The following WWP2 variants were observed in gnomAD, a reference collection of about 807,000 sequenced individuals.
The protein encoded by WWP2 is NEDD4-like E3 ubiquitin-protein ligase WWP2.
WWP2 carries 57 observed loss-of-function variants against 121.0 expected under a neutral mutation model. That is an observed-to-expected ratio of 0.47 (90% CI 0.38 to 0.59). WWP2 has a LOEUF of 0.59. WWP2 is among the 20% of genes least tolerant of loss of function. The probability of loss-of-function intolerance (pLI) is 0.00; values close to 1 mark genes in which losing one functional copy is unlikely to be tolerated. For synonymous variants in WWP2, 449 were observed against 441.3 expected (o/e 1.02, Z -0.22); for missense variants, 962 against 1,158.9 (o/e 0.83, Z 2.47).
At chr16:69,791,777 C>G (rs1597672287) in intron 2 of WWP2, among the ~76,000 whole-genome samples, 1 of 152,128 alleles carries the variant, frequency 6.6e-6, no homozygotes. Flanking sequence ...ACCTTGGCCT[C>G]TTAAAGTGCT....
chr16:69,806,731 G>GT (rs1379398554), intron 4 of WWP2, among the ~76,000 whole-genome samples: 16 of 152,048 alleles, frequency 1.1e-4, no homozygotes, highest in African/African-American at 3.6e-4. Flanking sequence ...AAAAACGTCT[G>GT]TAATATTTTT....
chr16:69,882,088 G>A (rs148289173), intron 7 of WWP2, among the ~76,000 whole-genome samples: 131 of 152,138 alleles, frequency 8.6e-4, no homozygotes, highest in Admixed American at 2.9e-3. Context: ...CGAAAGTACT[G>A]GGATTACAGG....
rs534510994 is a variant in WWP2 at position 69,939,306 on chromosome 16, C to T, written c.2441-35C>T. ...GATCCTGCTTTGGGAAGGGACGTCT[C>T]TGCTGACGTCGGCGTGTTTTACCTT... is the stretch of plus-strand genomic sequence containing the variant. On this transcript the variant is annotated intron_variant, in intron 22 of 23. Coordinates refer to ENST00000359154, the MANE Select transcript of WWP2 (RefSeq NM_001270454.2). 2.8e-4 allele frequency: 457 copies of T among 1,612,792 alleles called. 1 individual carries two copies. In the South Asian group the frequency reaches 4.7e-3, roughly 16 times the overall value.
At chr16:69,770,645 G>A (rs1051337558) in intron 1 of WWP2, among the ~76,000 whole-genome samples, 2 of 152,144 alleles carry the variant, frequency 1.3e-5, no homozygotes, top group African/African-American at 4.8e-5. Context: ...TCAGAAGCAC[G>A]GGTAAAACAA....
chr16:69,768,571 C>T (rs1482940205), intron 1 of WWP2, among the ~76,000 whole-genome samples: 2 of 152,168 alleles, frequency 1.3e-5, no homozygotes, highest in Admixed American at 6.5e-5. Flanking sequence ...GATTGCATCA[C>T]TGCCCTCTAG....
intron 4 of WWP2, among the ~76,000 whole-genome samples, chr16:69,823,506 C>G (rs2056629815): frequency 6.8e-6 from 1 of 147,564 alleles, no homozygotes; most frequent in Non-Finnish European, 1.5e-5. Flanking sequence ...GCCTTGCTTT[C>G]TTGCCCAGGC....
intron 6 of WWP2, among the ~76,000 whole-genome samples, chr16:69,858,150 T>C (rs2057352528): frequency 6.6e-6 from 1 of 152,150 alleles, no homozygotes; most frequent in African/African-American, 2.4e-5. Context: ...AATAAAGTTA[T>C]ACATTTTTCT....
At chr16:69,828,845 C>G (rs1464141191) in intron 4 of WWP2, among the ~76,000 whole-genome samples, 1 of 152,102 alleles carries the variant, frequency 6.6e-6, no homozygotes, top group African/African-American at 2.4e-5. Flanking sequence ...TCACCTTCCT[C>G]TCTATGCAAA....
chr16:69,898,113 C>T (rs1418067855), intron 8 of WWP2, among the ~76,000 whole-genome samples: 15 of 150,332 alleles, frequency 1.0e-4, no homozygotes, highest in Admixed American at 2.6e-4. Context: ...CTGCAACCTC[C>T]GCCTCCTGAG....
intron 6 of WWP2, among the ~76,000 whole-genome samples, chr16:69,844,857 T>A (rs1357758216): frequency 6.6e-6 from 1 of 152,252 alleles, no homozygotes; most frequent in Non-Finnish European, 1.5e-5. Context: ...CTATTCATTC[T>A]GCACTCACAT....
At chr16:69,830,455 A>G (rs562279083) in intron 4 of WWP2, among the ~76,000 whole-genome samples, 48 of 152,342 alleles carry the variant, frequency 3.2e-4, no homozygotes, top group South Asian at 1.4e-3. Flanking sequence ...CTTTGTAAAA[A>G]TGAGGCTATT....
At chr16:69,865,534 G>A (rs916841826) in intron 6 of WWP2, among the ~76,000 whole-genome samples, 1 of 152,186 alleles carries the variant, frequency 6.6e-6, no homozygotes, top group Non-Finnish European at 1.5e-5. Flanking sequence ...TAACCTGCAG[G>A]CAGGAAGTGG....
intron 9 of WWP2, 131 bp from the exon 10 acceptor site, chr16:69,917,578 A>G: frequency 3.9e-6 from 4 of 1,021,116 alleles, no homozygotes; most frequent in Non-Finnish European, 5.6e-6. Context: ...GATGTCTGCT[A>G]TAATCAGCTA....
chr16:69,800,129 T>G (rs1350048982), intron 4 of WWP2, among the ~76,000 whole-genome samples: 5 of 152,124 alleles, frequency 3.3e-5, no homozygotes, highest in Non-Finnish European at 7.4e-5. Context: ...AAGCCTGTCC[T>G]TTTAAGCGAT....
In WWP2 at chr16:69,937,379, C is replaced by T. The variant is rs2151999892; in HGVS notation, c.2238+141C>T. 2 of 1,438,794 alleles carry T rather than the reference C, an allele frequency of 1.4e-6. No homozygotes were observed. The highest frequency in any genetic ancestry group is 4.8e-5 in the East Asian group (2 of 41,772). 89.1% of individuals were successfully genotyped at this position (1,438,794 alleles called of 1,614,324 possible). On this transcript the variant is annotated intron_variant, in intron 20 of 23. Transcript: ENST00000359154. This position sits in a 1 kb window ranked among gnomAD's most constrained non-coding sequence, Gnocchi z 6.6. ...CAGATGGGTTTGATTTGGGACCCAC[C>T]CTTCCCCAGACACTTGTTTCAAGAA...
intron 2 of WWP2, among the ~76,000 whole-genome samples, chr16:69,793,899 T>C (rs1340503001): frequency 6.6e-6 from 1 of 150,914 alleles, no homozygotes; most frequent in Admixed American, 6.7e-5. Context: ...GGAAGGGCTG[T>C]TATTATCCTT....
chr16:69,858,417 C>G (rs1369414339), intron 6 of WWP2, among the ~76,000 whole-genome samples: 1 of 152,130 alleles, frequency 6.6e-6, no homozygotes, highest in African/African-American at 2.4e-5. Context: ...GCTCTTCATT[C>G]GCCAAAACTT....
intron 5 of WWP2, 55 bp downstream of exon 5, chr16:69,840,318 G>A (rs2056954765): frequency 1.9e-6 from 3 of 1,605,380 alleles, no homozygotes; most frequent in Admixed American, 3.3e-5. Flanking sequence ...GGCTGGGCGG[G>A]GGCCAGGAGG....
rs1178820209 is a variant in WWP2 at position 69,936,006 on chromosome 16, G to A, written c.1976+20G>A. The stretch of plus-strand genomic sequence containing the variant: ...GATCAAGTGAGTTCCCTGCCCCCTT[G>A]CCCCACCGCGCTGATAGGAGGGACG... On this transcript the variant is annotated intron_variant, in intron 18 of 23. Transcript: ENST00000359154. 3.1e-6 allele frequency: 5 copies of A among 1,611,058 alleles called. No individual in the cohort carries two copies. The highest frequency in any genetic ancestry group is 4.2e-6 in the Non-Finnish European group (5 of 1,178,832).
Sources: allele counts gnomAD v4.1 joint callset (sites outside exome capture counted in the v4.1 genomes callset), GRCh38; gene constraint gnomAD v4.1.1; non-coding constraint Gnocchi (gnomAD v3.1); transcripts MANE v1.5; gene names NCBI Gene and HGNC (gene_info 2026-07-23, HGNC 2026-07-21).